MAGI3: variants seen among roughly 807,000 people sequenced by gnomAD.
The protein encoded by MAGI3 is membrane associated guanylate kinase, WW and PDZ domain containing 3, also known as membrane-associated guanylate kinase, WW and PDZ domain-containing protein 3.
Under a neutral mutation model 121.8 loss-of-function variants are expected in MAGI3, and 43 were observed. That is an observed-to-expected ratio of 0.35 (90% CI 0.28 to 0.46). The LOEUF (loss-of-function observed/expected upper bound fraction) is 0.46, where lower values mean the gene tolerates loss of function less well. Ranked by LOEUF, MAGI3 falls within the 20% of genes least tolerant of loss-of-function variation. The pLI is 1.00. For missense variants in MAGI3, 1,547 were observed against 1,797.3 expected (o/e 0.86, Z 2.52); for synonymous variants, 553 against 639.3 (o/e 0.86, Z 2.04).
At position 113,671,788 on chromosome 1, in the gene MAGI3, A is replaced by G; in HGVS notation, c.2870A>G (p.Gln957Arg). The part of the protein sequence containing the change: ...TNSARQSPAL[Q>R]HRPMGQSQAN... ...TCAGCCAGGCAAAGCCCAGCCCTGCAGCACAGGCCCATGGGACAGTCACAG... is the reference window on the plus strand; with the variant it reads ...TCAGCCAGGCAAAGCCCAGCCCTGCGGCACAGGCCCATGGGACAGTCACAG... The change falls in exon 17 of 21, where the codon CAG (glutamine) becomes CGG (arginine). Residue 957 changes from glutamine (Q) to arginine (R), a missense_variant. Coordinates refer to ENST00000307546, the MANE Select transcript of MAGI3 (RefSeq NM_001142782.2). The G allele has an allele frequency of 6.2e-7, 1 of 1,614,256 alleles. No individual in the cohort carries two copies. The highest frequency in any genetic ancestry group is 8.5e-7 in the Non-Finnish European group (1 of 1,180,044).
At chr1:113,679,396 G>A (rs1311437126) in intron 19 of MAGI3, among the ~76,000 whole-genome samples, 1 of 152,054 alleles carries the variant, frequency 6.6e-6, no homozygotes, top group African/African-American at 2.4e-5. Flanking sequence ...GGATAATGAT[G>A]GCCTCCAGCT....
At chr1:113,676,868 A>T (rs1230252475) in intron 19 of MAGI3, among the ~76,000 whole-genome samples, 1 of 152,124 alleles carries the variant, frequency 6.6e-6, no homozygotes, top group African/African-American at 2.4e-5. Flanking sequence ...GAATATTCAT[A>T]TCAGGTGCTC....
intron 1 of MAGI3, among the ~76,000 whole-genome samples, chr1:113,476,027 A>T (rs1272282254): frequency 1.3e-5 from 2 of 152,272 alleles, no homozygotes; most frequent in Admixed American, 1.3e-4. Context: ...AGGTGTTTGT[A>T]GTATTCTCTG....
chr1:113,463,385 A>G (rs1467875686), intron 1 of MAGI3, among the ~76,000 whole-genome samples: 1 of 147,068 alleles, frequency 6.8e-6, no homozygotes, highest in Non-Finnish European at 1.5e-5. Context: ...ATTTAGGAGA[A>G]AGATACTGAG....
intron 16 of MAGI3, among the ~76,000 whole-genome samples, chr1:113,662,100 G>A (rs1472343491): frequency 6.6e-6 from 1 of 152,156 alleles, no homozygotes; most frequent in Non-Finnish European, 1.5e-5. Context: ...TAGGGCAGCA[G>A]AGCTTCCCAT....
At chr1:113,505,031 T>G (rs1242230204) in intron 1 of MAGI3, among the ~76,000 whole-genome samples, 1 of 152,274 alleles carries the variant, frequency 6.6e-6, no homozygotes, top group Admixed American at 6.5e-5. Flanking sequence ...CACATTTATA[T>G]GTTCATATGG....
Position 113,391,109 on chromosome 1 carries a change from C to G in MAGI3, c.76C>G (p.Pro26Ala). 1.3e-6 allele frequency: 2 copies of G among 1,581,776 alleles called. No individual in the cohort carries two copies. The highest frequency in any genetic ancestry group is 1.3e-5 in the African/African-American group (1 of 74,352). The change falls in exon 1 of 21, where the codon CCG (proline) becomes GCG (alanine). Residue 26 changes from proline (P) to alanine (A), a missense_variant. By Grantham distance (27) the Pro-to-Ala change is conservative (BLOSUM62 -1). Coordinates refer to ENST00000307546, the MANE Select transcript of MAGI3 (RefSeq NM_001142782.2). This position sits in a 1 kb window ranked among gnomAD's most constrained non-coding sequence, Gnocchi z 4.4. ...GTGCGCCGTGTCCTGGGCCGGGCCC[C>G]CGGGCGACTTCGGCGCGGAGATCCG... ...QECAVSWAGP[P>A]GDFGAEIRGG...
At chr1:113,649,097 G>A in intron 12 of MAGI3, 140 bp from the exon 13 acceptor site, 1 of 573,254 alleles carries the variant, frequency 1.7e-6, no homozygotes, top group South Asian at 2.6e-5. Context: ...TTACACTCTT[G>A]TGCAAATTTT....
intron 9 of MAGI3, among the ~76,000 whole-genome samples, chr1:113,623,765 A>G (rs1175842424): frequency 1.3e-5 from 2 of 151,874 alleles, no homozygotes; most frequent in East Asian, 3.9e-4. Flanking sequence ...GAGATTACAG[A>G]CGTGAGCCAC....
rs115953359 is a variant in MAGI3, at chr1:113,671,758, C to G, written c.2840C>G (p.Thr947Arg). 6.8e-6 allele frequency: 11 copies of G among 1,614,138 alleles called. No homozygotes were observed. The highest frequency in any genetic ancestry group is 9.3e-6 in the Non-Finnish European group (11 of 1,180,048). The change falls in exon 17 of 21, where the codon ACA (threonine) becomes AGA (arginine). Residue 947 changes from threonine (T) to arginine (R), a missense_variant. Physicochemically the swap from Thr to Arg is moderately conservative, Grantham distance 71. Transcript: ENST00000307546. ...GAGCATCATGGTCCACCATCAGGAACAAACTCAGCCAGGCAAAGCCCAGCC... is the reference window on the plus strand; with the variant it reads ...GAGCATCATGGTCCACCATCAGGAAGAAACTCAGCCAGGCAAAGCCCAGCC... ...EEEHHGPPSG[T>R]NSARQSPALQ...
intron 15 of MAGI3, 45 bp from the exon 16 acceptor site, chr1:113,659,035 A>T: frequency 7.0e-7 from 1 of 1,436,090 alleles, no homozygotes; most frequent in Non-Finnish European, 9.5e-7. Context: ...TAACACTAGC[A>T]GAAATCTTAA....
chr1:113,554,423 G>C (rs748533623), intron 2 of MAGI3, among the ~76,000 whole-genome samples: 2 of 151,424 alleles, frequency 1.3e-5, no homozygotes, highest in Non-Finnish European at 2.9e-5. Context: ...CTGAAGCATA[G>C]AGAAGAAAAT....
At chr1:113,672,888 T>C in intron 18 of MAGI3, 147 bp downstream of exon 18, 1 of 1,104,308 alleles carries the variant, frequency 9.1e-7, no homozygotes, top group Non-Finnish European at 1.3e-6. Context: ...GGCATTCTGC[T>C]GGCATTCATA....
intron 4 of MAGI3, among the ~76,000 whole-genome samples, chr1:113,588,857 GT>G (rs895497161): frequency 1.3e-5 from 2 of 152,278 alleles, no homozygotes; most frequent in South Asian, 4.1e-4. Context: ...TTTCAAGGTG[GT>G]TTGGTGTAAA....
At chr1:113,634,532 A>G (rs1296065047) in intron 9 of MAGI3, among the ~76,000 whole-genome samples, 9 of 152,138 alleles carry the variant, frequency 5.9e-5, no homozygotes, top group Non-Finnish European at 1.2e-4. Flanking sequence ...TTTGTCGAAG[A>G]TCAGATAGTT....
chr1:113,574,777 G>C (rs1471900618), intron 2 of MAGI3, among the ~76,000 whole-genome samples: 1 of 152,156 alleles, frequency 6.6e-6, no homozygotes, highest in Non-Finnish European at 1.5e-5. Flanking sequence ...ATCCTGAAGT[G>C]TGTTTTCCAA....
chr1:113,436,965 C>A (rs1414866575), intron 1 of MAGI3, among the ~76,000 whole-genome samples: 1 of 151,900 alleles, frequency 6.6e-6, no homozygotes, highest in Non-Finnish European at 1.5e-5. Context: ...CAGGCGTGTG[C>A]CACCACGTCC....
intron 1 of MAGI3, among the ~76,000 whole-genome samples, chr1:113,529,352 A>T (rs1347813165): frequency 6.6e-6 from 1 of 152,186 alleles, no homozygotes; most frequent in Non-Finnish European, 1.5e-5. Flanking sequence ...GTGCCAGCAG[A>T]TTTGATGCCT....
intron 2 of MAGI3, chr1:113,576,699 C>T (rs536869974): frequency 6.6e-6 from 1 of 152,266 alleles, no homozygotes; most frequent in Admixed American, 6.5e-5. Context: ...CAGAGGAAAT[C>T]TATATGGCTT....
Sources: allele counts gnomAD v4.1 joint callset (sites outside exome capture counted in the v4.1 genomes callset), GRCh38; gene constraint gnomAD v4.1.1; non-coding constraint Gnocchi (gnomAD v3.1); transcripts MANE v1.5; gene names NCBI Gene and HGNC (gene_info 2026-07-23, HGNC 2026-07-21).